Variants in NOA1 observed in about 807,000 individuals in gnomAD.
NOA1 encodes nitric oxide associated 1.
In NOA1, 35 loss-of-function variants were observed where a neutral mutation model predicts 58.4. The observed-to-expected ratio is 0.60, with a 90% CI of 0.46 to 0.79. The LOEUF (loss-of-function observed/expected upper bound fraction) is 0.79. Ranked by LOEUF, NOA1 falls within the 30% of genes least tolerant of loss-of-function variation. The pLI is 0.00. For synonymous variants in NOA1, 397 were observed against 373.4 expected (o/e 1.06, Z -0.73); for missense variants, 895 against 894.6 (o/e 1.00, Z -0.01).
rs1419111195 is a variant in NOA1, at chr4:56,966,607, C to T, written c.1764+13G>A. 1 of 1,497,742 alleles carries T rather than the reference C, an allele frequency of 6.7e-7. No homozygotes were observed. The highest frequency in any genetic ancestry group is 9.3e-7 in the Non-Finnish European group (1 of 1,074,982). 92.8% of individuals were successfully genotyped at this position (1,497,742 alleles called of 1,614,324 possible). On this transcript the variant is annotated intron_variant, in intron 5 of 6. Transcript: ENST00000264230. ...ACTAACCATAACCATGCAATCAAGG[C>T]ATGTTGCCTTACCTGGAGTAACGTA... is the stretch of plus-strand genomic sequence containing the variant.
rs1721756488 is a variant in NOA1 at position 56,968,444 on chromosome 4, A to C, written c.1587T>G (p.Phe529Leu). The C allele has an allele frequency of 1.2e-6, 2 of 1,613,112 alleles. No individual in the cohort carries two copies. Among genetic ancestry groups the C allele is most frequent in the Non-Finnish European group, 1.7e-6 (2 of 1,179,704 alleles). ...LPTQSIVPRT[F>L]VLKPGMVLFL... ...ACAGAACCATTCCTGGTTTAAGCAC[A>C]AAAGTTCTTGGAACAATGGACTGTG... Residue 529 changes from phenylalanine to leucine, a missense_variant, in exon 4 of 7, where the codon TTT (phenylalanine) becomes TTG (leucine). This residue lies in a region of NOA1 where 212 missense variants were observed against 221.3 expected (regional missense o/e 0.96). Coordinates refer to ENST00000264230, the MANE Select transcript of NOA1 (RefSeq NM_032313.4).
Position 56,977,346 on chromosome 4 carries a change from A to G in NOA1, c.240T>C (p.Asp80=). 1 of 1,614,130 alleles carries G rather than the reference A, an allele frequency of 6.2e-7. No individual in the cohort carries two copies. Among genetic ancestry groups the G allele is most frequent in the Non-Finnish European group, 8.5e-7 (1 of 1,180,020 alleles). Residue 80 remains aspartate, a synonymous_variant, in exon 1 of 7, where the codon GAT becomes GAC. Coordinates refer to ENST00000264230, the MANE Select transcript of NOA1 (RefSeq NM_032313.4). ...TTTCGCGGGTGGGTTGCGGCTCCGG[A>G]TCCAGGATGTACTCCGGGAACAGAA... The part of the protein sequence containing the change: ...ERFLFPEYIL[D]PEPQPTREKQ...
In NOA1 at chr4:56,976,993, C is replaced by A. The variant is rs968952723; in HGVS notation, c.593G>T (p.Arg198Leu). ...GCTCACCAGCTCCAGGTACTGCTCG[C>A]GGCTCACCTGCAGGCGTAGAGCGCG... The part of the protein sequence containing the change: ...HRRALRLQVS[R>L]EQYLELVSAA... Residue 198 changes from arginine (R) to leucine (L), a missense_variant, in exon 1 of 7, where the codon CGC becomes CTC. Transcript: ENST00000264230. 1 of 1,594,624 alleles carries A rather than the reference C, an allele frequency of 6.3e-7. No homozygotes were observed. Among genetic ancestry groups the A allele is most frequent in the Non-Finnish European group, 8.5e-7 (1 of 1,174,724 alleles).
At chr4:56,968,547 T>C in intron 3 of NOA1, 32 bp from the exon 4 acceptor site, 5 of 1,474,056 alleles carry the variant, frequency 3.4e-6, no homozygotes, top group East Asian at 4.6e-5. Flanking sequence ...TTTAAGAAAA[T>C]ACTTTTATTG....
At position 56,973,184 on chromosome 4, in the gene NOA1, C is replaced by T. The variant is rs1315500560; in HGVS notation, c.1479G>A (p.Trp493Ter). The change falls in exon 3 of 7, where the codon TGG becomes TGA. Residue 493 changes from tryptophan (W) to a stop codon, truncating the protein, a stop_gained. Transcript: ENST00000264230. LOFTEE classifies it high-confidence loss of function. ...LTAQDVKDAH[W>*]FYDTPGITKE... ...TTGTAATTCCAGGGGTGTCATAAAA[C>T]CAGTGGGCATCTTTCACATCTTGTG... 1 of 1,614,064 alleles carries T rather than the reference C, an allele frequency of 6.2e-7. No individual in the cohort carries two copies. The highest frequency in any genetic ancestry group is 1.7e-5 in the Admixed American group (1 of 60,008).
In NOA1 at chr4:56,977,343, C is replaced by G. The variant is rs1242219389; in HGVS notation, c.243G>C (p.Pro81=). The change falls in exon 1 of 7, where the codon CCG becomes CCC. Residue 81 remains proline (P), a synonymous_variant. Coordinates refer to ENST00000264230, the MANE Select transcript of NOA1 (RefSeq NM_032313.4). ...GCTTTTCGCGGGTGGGTTGCGGCTC[C>G]GGATCCAGGATGTACTCCGGGAACA... The part of the protein sequence containing the change: ...RFLFPEYILD[P]EPQPTREKQL... 1 of 1,614,186 alleles carries G rather than the reference C, an allele frequency of 6.2e-7. No homozygotes were observed. The highest frequency in any genetic ancestry group is 1.1e-5 in the South Asian group (1 of 91,090).
At chr4:56,967,532 A>G (rs1443214173) in intron 4 of NOA1, among the ~76,000 whole-genome samples, 1 of 152,194 alleles carries the variant, frequency 6.6e-6, no homozygotes, top group Non-Finnish European at 1.5e-5. Context: ...GAAATGTGCT[A>G]TAGTAATGGC....
At chr4:56,970,467 T>C (rs1721792331) in intron 3 of NOA1, among the ~76,000 whole-genome samples, 1 of 150,872 alleles carries the variant, frequency 6.6e-6, no homozygotes, top group Admixed American at 6.6e-5. Context: ...GTCTCTCTTT[T>C]TTGTTGAGAC....
At chr4:56,964,555 T>G (rs1721664752) in intron 5 of NOA1, 29 bp from the exon 6 acceptor site, 1 of 1,606,888 alleles carries the variant, frequency 6.2e-7, no homozygotes, top group Non-Finnish European at 8.5e-7. Flanking sequence ...TATTTACAAG[T>G]TCAAATTAAA....
intron 2 of NOA1, 115 bp from the exon 3 acceptor site, chr4:56,973,468 C>T (rs1721845600): frequency 1.1e-6 from 1 of 876,580 alleles, no homozygotes. Flanking sequence ...GGAAGTGAGA[C>T]CATAATGATA....
chr4:56,977,224 G>C lies in NOA1; in HGVS notation c.362C>G (p.Ser121Cys). 6.3e-7 allele frequency: 1 copy of C among 1,583,872 alleles called. No individual in the cohort carries two copies. The highest frequency in any genetic ancestry group is 8.6e-7 in the Non-Finnish European group (1 of 1,167,074). Residue 121 changes from serine to cysteine, a missense_variant, in exon 1 of 7, where the codon TCC (serine) becomes TGC (cysteine). This residue lies in a region of NOA1 where 680 missense variants were observed against 656.5 expected (regional missense o/e 1.04). Transcript: ENST00000264230. ...GTGCCCCACGACCGGGTGCTCCCGG[G>C]ACCTGGCCCGTAGGTTTTGCTGTCG... is the stretch of plus-strand genomic sequence containing the variant. ...ERRQQNLRARSREHPVVGHPD... is the reference protein window; with the variant it reads ...ERRQQNLRARCREHPVVGHPD...
chr4:56,976,464 T>C lies in NOA1; in HGVS notation c.1122A>G (p.Arg374=). ...CTAKGSEAID[R]ATISPWPGTT... is the part of the protein sequence containing the mutation. ...CACCTGGCCAAGGGGAGATGGTGGC[T>C]CTGTCGATGGCCTCGGAGCCCTTGG... Residue 374 remains arginine (R), a synonymous_variant, in exon 1 of 7, where the codon AGA becomes AGG. Coordinates refer to ENST00000264230, the MANE Select transcript of NOA1 (RefSeq NM_032313.4). The C allele has an allele frequency of 6.2e-7, 1 of 1,613,426 alleles. No individual in the cohort carries two copies. Among genetic ancestry groups the C allele is most frequent in the Non-Finnish European group, 8.5e-7 (1 of 1,179,376 alleles).
At chr4:56,973,491 T>A in intron 2 of NOA1, 138 bp from the exon 3 acceptor site, 1 of 764,928 alleles carries the variant, frequency 1.3e-6, no homozygotes, top group Non-Finnish European at 2.1e-6. Context: ...TTTGCTTTTT[T>A]TTTTTTCCAA....
At chr4:56,969,860 A>T (rs1214923083) in intron 3 of NOA1, among the ~76,000 whole-genome samples, 2 of 151,724 alleles carry the variant, frequency 1.3e-5, no homozygotes. Flanking sequence ...GGCTCACTGC[A>T]ACTTCTGCCT....
In NOA1 at chr4:56,977,366, A is replaced by G; in HGVS notation, c.220T>C (p.Phe74Leu). The change falls in exon 1 of 7, where the codon TTC becomes CTC. Residue 74 changes from phenylalanine to leucine, a missense_variant. This residue lies in a region of NOA1 where 680 missense variants were observed against 656.5 expected (regional missense o/e 1.04). Transcript: ENST00000264230. ...TCCGGATCCAGGATGTACTCCGGGA[A>G]CAGAAAACGCTCCTGCATGTCACCA... ...EGGDMQERFL[F>L]PEYILDPEPQ... 6.2e-7 allele frequency: 1 copy of G among 1,614,148 alleles called. No homozygotes were observed. Among genetic ancestry groups the G allele is most frequent in the Non-Finnish European group, 8.5e-7 (1 of 1,180,002 alleles).
chr4:56,969,504 G>A (rs533471700), intron 3 of NOA1, among the ~76,000 whole-genome samples: 92 of 152,226 alleles, frequency 6.0e-4, no homozygotes, highest in African/African-American at 2.1e-3. Context: ...TCCGGGAGGC[G>A]GAGGTTGTGG....
At position 56,966,684 on chromosome 4, in the gene NOA1, T is replaced by G; in HGVS notation, c.1700A>C (p.His567Pro). 2 of 1,614,028 alleles carry G rather than the reference T, an allele frequency of 1.2e-6. No individual in the cohort carries two copies. The highest frequency in any genetic ancestry group is 1.7e-5 in the Admixed American group (1 of 60,008). Residue 567 changes from histidine to proline, a missense_variant, in exon 5 of 7, where the codon CAT (histidine) becomes CCT (proline). By Grantham distance (77) the His-to-Pro change is moderately conservative. Transcript: ENST00000264230. The stretch of plus-strand genomic sequence containing the variant: ...GTCTGCCCTGTCCAAGGAGGTGATA[T>G]GCACAGGGAGGATGTTGGAAGCCAC... ...TVVASNILPV[H>P]ITSLDRADAL... is the part of the protein sequence containing the mutation.
intron 3 of NOA1, among the ~76,000 whole-genome samples, chr4:56,970,833 A>G (rs1475218809): frequency 6.6e-6 from 1 of 152,158 alleles, no homozygotes. Flanking sequence ...TAAGACATCA[A>G]ATAAGTTTAT....
rs761769832 is a variant in NOA1, at chr4:56,966,605, G to T, written c.1764+15C>A. 3.4e-6 allele frequency: 5 copies of T among 1,479,588 alleles called. No homozygotes were observed. Among genetic ancestry groups the T allele is most frequent in the African/African-American group, 1.4e-5 (1 of 72,076 alleles). The allele number at this position is 1,479,588 out of a possible 1,614,324, so 91.7% of individuals were successfully genotyped here. On this transcript the variant is annotated intron_variant, in intron 5 of 6. Transcript: ENST00000264230. ...ATACTAACCATAACCATGCAATCAA[G>T]GCATGTTGCCTTACCTGGAGTAACG...
Sources: allele counts gnomAD v4.1 joint callset (sites outside exome capture counted in the v4.1 genomes callset), GRCh38; gene constraint gnomAD v4.1.1; regional missense constraint gnomAD v4.1.1; transcripts MANE v1.5; gene names NCBI Gene and HGNC (gene_info 2026-07-23, HGNC 2026-07-21).